The following SPAG1 variants were observed in gnomAD, a reference collection of about 807,000 sequenced individuals.
The protein encoded by SPAG1 is sperm associated antigen 1, also known as sperm-associated antigen 1.
Under a neutral mutation model 100.5 loss-of-function variants are expected in SPAG1, and 69 were observed. The observed-to-expected ratio is 0.69, with a 90% CI of 0.57 to 0.84. SPAG1 has a LOEUF of 0.84. SPAG1 is among the 40% of genes least tolerant of loss of function. The pLI, the probability that SPAG1 is intolerant of heterozygous loss-of-function variation, is 0.00. For synonymous variants in SPAG1, 336 were observed against 411.6 expected (o/e 0.82, Z 2.22); for missense variants, 955 against 1,133.1 (o/e 0.84, Z 2.26).
At chr8:100,170,853 T>A (rs1055747403) in intron 3 of SPAG1, among the ~76,000 whole-genome samples, 23 of 144,112 alleles carry the variant, frequency 1.6e-4, no homozygotes, top group Admixed American at 1.4e-3. Flanking sequence ...TTATTTATTT[T>A]TTACTTGCTT....
intron 12 of SPAG1, among the ~76,000 whole-genome samples, chr8:100,217,941 C>T (rs761800584): frequency 2.0e-5 from 3 of 152,106 alleles, no homozygotes; most frequent in Non-Finnish European, 4.4e-5. Context: ...CACCACCTAA[C>T]CCAGCTAATT....
intron 5 of SPAG1, among the ~76,000 whole-genome samples, 180 bp from the exon 6 acceptor site, chr8:100,183,776 G>A (rs909746503): frequency 6.6e-6 from 1 of 152,098 alleles, no homozygotes; most frequent in Non-Finnish European, 1.5e-5. Context: ...TAACGTTTAA[G>A]TTCTCACTAA....
intron 4 of SPAG1, among the ~76,000 whole-genome samples, chr8:100,181,479 T>TG (rs1816363828): frequency 6.6e-6 from 1 of 152,212 alleles, no homozygotes; most frequent in Non-Finnish European, 1.5e-5. Flanking sequence ...TTCCTAGGGC[T>TG]GCTGTAACAC....
chr8:100,208,097 C>T (rs1395131337), intron 10 of SPAG1, among the ~76,000 whole-genome samples: 3 of 152,188 alleles, frequency 2.0e-5, no homozygotes, highest in Non-Finnish European at 4.4e-5. Context: ...GCTTCCTGTT[C>T]TTGTGACATT....
At chr8:100,225,983 C>G (rs1024789484) in intron 14 of SPAG1, among the ~76,000 whole-genome samples, 1 of 151,800 alleles carries the variant, frequency 6.6e-6, no homozygotes, top group Non-Finnish European at 1.5e-5. Context: ...CAGGTGCACA[C>G]CACCATGCCA....
chr8:100,220,193 TCAGTACTG>T (rs79964432), intron 12 of SPAG1, 78 bp from the exon 13 acceptor site: 231,229 of 1,174,392 alleles, frequency 0.2, 22,678 homozygotes, highest in Middle Eastern at 0.23. Flanking sequence ...ATTTGAGAGT[TCAGTACTG>T]CAGTATCTAT....
intron 10 of SPAG1, among the ~76,000 whole-genome samples, chr8:100,199,451 G>A (rs918484183): frequency 6.6e-6 from 1 of 151,078 alleles, no homozygotes; most frequent in African/African-American, 2.4e-5. Flanking sequence ...CCTTTTTTTT[G>A]TTGTTGTTGT....
rs749292903 is a variant in SPAG1 at position 100,231,307 on chromosome 8, T to A, written c.1988+19T>A. 111 of 1,431,082 alleles carry A rather than the reference T, an allele frequency of 7.8e-5. No homozygotes were observed. The highest frequency in any genetic ancestry group is 9.5e-5 in the Non-Finnish European group (100 of 1,050,252). The allele number at this position is 1,431,082 out of a possible 1,614,324, so 88.6% of individuals were successfully genotyped here. On this transcript the variant is annotated intron_variant, in intron 15 of 18. Transcript: ENST00000388798. ...CAAACAGGCAAGTTCTTTGTAACTTTATATATTTCTTATGTTAATAGTTTT... is the reference window on the plus strand; with the variant it reads ...CAAACAGGCAAGTTCTTTGTAACTTAATATATTTCTTATGTTAATAGTTTT...
chr8:100,174,824 A>G (rs1176514577), intron 3 of SPAG1, among the ~76,000 whole-genome samples: 1 of 152,156 alleles, frequency 6.6e-6, no homozygotes, highest in Non-Finnish European at 1.5e-5. Flanking sequence ...TCCAACTTCC[A>G]TATCTTGAAA....
intron 8 of SPAG1, among the ~76,000 whole-genome samples, chr8:100,189,054 A>G (rs4734453): frequency 0.63 from 95,882 of 151,866 alleles, 30,717 homozygotes; most frequent in African/African-American, 0.74. Flanking sequence ...ACTCTCGGCC[A>G]GGCTTAGTGG....
intron 16 of SPAG1, among the ~76,000 whole-genome samples, chr8:100,236,218 C>G (rs1818999699): frequency 6.6e-6 from 1 of 152,054 alleles, no homozygotes; most frequent in African/African-American, 2.4e-5. Flanking sequence ...TTGAGTAATC[C>G]TATCCCACTA....
chr8:100,163,364 C>T (rs1815403389), intron 2 of SPAG1, among the ~76,000 whole-genome samples: 1 of 152,092 alleles, frequency 6.6e-6, no homozygotes, highest in Non-Finnish European at 1.5e-5. Flanking sequence ...TGAGTACCAC[C>T]AACCTGTGAC....
chr8:100,234,423 T>A (rs1818912650), intron 16 of SPAG1, among the ~76,000 whole-genome samples: 1 of 152,168 alleles, frequency 6.6e-6, no homozygotes, highest in African/African-American at 2.4e-5. Context: ...TAAATCTTCC[T>A]CCCTCCACCC....
chr8:100,191,767 T>C (rs1310223329), intron 9 of SPAG1, among the ~76,000 whole-genome samples: 1 of 152,210 alleles, frequency 6.6e-6, no homozygotes, highest in African/African-American at 2.4e-5. Flanking sequence ...AATGTTTTTC[T>C]CTGAGCCATG....
chr8:100,217,419 C>G (rs1818048310), intron 12 of SPAG1, among the ~76,000 whole-genome samples: 1 of 151,854 alleles, frequency 6.6e-6, no homozygotes, highest in African/African-American at 2.4e-5. Context: ...GGTTGTTTTC[C>G]AGGGGTGTGT....
chr8:100,161,028 AC>A (rs1423212729), intron 1 of SPAG1, among the ~76,000 whole-genome samples: 1 of 152,000 alleles, frequency 6.6e-6, no homozygotes, highest in Non-Finnish European at 1.5e-5. Flanking sequence ...AAAAACCTCT[AC>A]CTTCTTTTTC....
At chr8:100,188,396 C>A (rs1165803724) in intron 8 of SPAG1, among the ~76,000 whole-genome samples, 2 of 152,178 alleles carry the variant, frequency 1.3e-5, no homozygotes, top group African/African-American at 4.8e-5. Context: ...CTCAAGTGAT[C>A]TGCCCACCTC....
chr8:100,168,329 C>G (rs901820778), intron 3 of SPAG1, among the ~76,000 whole-genome samples: 7 of 152,062 alleles, frequency 4.6e-5, no homozygotes, highest in African/African-American at 1.7e-4. Flanking sequence ...CATGTAACTT[C>G]TATTGTGAGG....
intron 5 of SPAG1, among the ~76,000 whole-genome samples, 171 bp downstream of exon 5, chr8:100,183,607 A>G (rs1346838877): frequency 1.3e-5 from 2 of 152,188 alleles, no homozygotes; most frequent in Non-Finnish European, 2.9e-5. Context: ...TGTTTTTTTC[A>G]GTACATAAAA....
Sources: allele counts gnomAD v4.1 joint callset (sites outside exome capture counted in the v4.1 genomes callset), GRCh38; gene constraint gnomAD v4.1.1; transcripts MANE v1.5; gene names NCBI Gene and HGNC (gene_info 2026-07-23, HGNC 2026-07-21).